The following GRAMD1B variants were observed in gnomAD, a reference collection of about 807,000 sequenced individuals.
GRAMD1B encodes GRAM domain containing 1B.
In GRAMD1B, 37 loss-of-function variants were observed where a neutral mutation model predicts 99.7. The ratio of observed to expected loss-of-function variants is 0.37; its 90% CI spans 0.29 to 0.49. The LOEUF (loss-of-function observed/expected upper bound fraction) is 0.49, where lower values mean the gene tolerates loss of function less well. Ranked by LOEUF, GRAMD1B falls within the 20% of genes least tolerant of loss-of-function variation. GRAMD1B has a pLI of 0.98. For synonymous variants in GRAMD1B, 427 were observed against 387.6 expected (o/e 1.10, Z -1.19); for missense variants, 888 against 1,009.2 (o/e 0.88, Z 1.63).
intron 1 of GRAMD1B, among the ~76,000 whole-genome samples, chr11:123,365,408 T>A (rs527261883): frequency 6.6e-6 from 1 of 152,150 alleles, no homozygotes; most frequent in Non-Finnish European, 1.5e-5. Flanking sequence ...CGTGCCACCA[T>A]GCCCAGCTAA....
Position 123,445,329 on chromosome 11 carries a change from T to C in GRAMD1B, c.374+14163T>C, listed in dbSNP as rs75651025. On this transcript the variant is annotated intron_variant, in intron 1 of 19. Transcript: ENST00000635736. ...AGCATTCGTGTTCTGGCTGGATCATTACACTTTGGAGCTCTTTTTGACCTT... is the reference window on the plus strand; with the variant it reads ...AGCATTCGTGTTCTGGCTGGATCATCACACTTTGGAGCTCTTTTTGACCTT... Among the ~76,000 whole-genome samples the C allele has an allele frequency of 5.3e-3, 804 of 152,290 alleles. 8 individuals carry two copies. Among genetic ancestry groups the C allele is most frequent in the African/African-American group, 0.019 (784 of 41,574 alleles).
chr11:123,623,089 C>T lies in GRAMD1B; in HGVS notation c.*494C>T, dbSNP rs1213769230. The T allele has an allele frequency of 6.6e-6, 1 of 152,210 alleles. No individual in the cohort carries two copies. Among genetic ancestry groups the T allele is most frequent in the East Asian group, 1.9e-4 (1 of 5,194 alleles). 9.4% of individuals were successfully genotyped at this position (152,210 alleles called of 1,614,324 possible). ...TTCCCCAGGCATTCTCTTGGGAACA[C>T]AGAAGCATCAAGGGAGCCCAGTCTA... On this transcript the variant is annotated 3_prime_UTR_variant, in exon 20 of 20. Transcript: ENST00000635736.
At chr11:123,526,603 G>A (rs906525398) in intron 2 of GRAMD1B, among the ~76,000 whole-genome samples, 1 of 152,160 alleles carries the variant, frequency 6.6e-6, no homozygotes, top group African/African-American at 2.4e-5. Flanking sequence ...GGGAGGGTGT[G>A]CGGGGGGCCT....
intron 1 of GRAMD1B, among the ~76,000 whole-genome samples, chr11:123,366,069 C>T (rs1946310251): frequency 6.6e-6 from 1 of 152,206 alleles, no homozygotes; most frequent in Non-Finnish European, 1.5e-5. Flanking sequence ...AGTCTTTCTT[C>T]ATCTTGGCTG....
At chr11:123,500,736 G>A (rs145490495) in intron 2 of GRAMD1B, among the ~76,000 whole-genome samples, 3 of 152,050 alleles carry the variant, frequency 2.0e-5, no homozygotes, top group East Asian at 1.9e-4. Context: ...GCAGTGGCGC[G>A]ATCGCGGCTT....
rs1171608927 is a variant in GRAMD1B, at chr11:123,430,832, G to C, written c.40G>C (p.Ala14Pro). Residue 14 changes from alanine (A) to proline (P), a missense_variant, in exon 1 of 20, where the codon GCC (alanine) becomes CCC (proline). Physicochemically the swap from Ala to Pro is conservative, Grantham distance 27. This residue lies in a region of GRAMD1B where 233 missense variants were observed against 154.6 expected (regional missense o/e 1.51). Transcript: ENST00000635736. ...CATGATGGAGAACCGGCCGCTGCCC[G>C]CCCTGCAGGTGCCCGAGCCGCAGGG... ...ANMMENRPLP[A>P]LQVPEPQGAP... 2 of 697,778 alleles carry C rather than the reference G, an allele frequency of 2.9e-6. No individual in the cohort carries two copies. The highest frequency in any genetic ancestry group is 3.5e-5 in the African/African-American group (2 of 56,996). The allele number at this position is 697,778 out of a possible 1,614,324, so 43.2% of individuals were successfully genotyped here. A position where few individuals can be genotyped will look rare whatever the true frequency, so the allele number is the denominator to read the frequency against.
At chr11:123,480,454 A>T (rs1951531867) in intron 1 of GRAMD1B, among the ~76,000 whole-genome samples, 1 of 152,078 alleles carries the variant, frequency 6.6e-6, no homozygotes, top group South Asian at 2.1e-4. Context: ...CGGTGGGCTG[A>T]GGAGAATGGG....
chr11:123,558,409 A>T (rs1291435074), intron 2 of GRAMD1B, among the ~76,000 whole-genome samples: 1 of 152,190 alleles, frequency 6.6e-6, no homozygotes, highest in Non-Finnish European at 1.5e-5. Flanking sequence ...CCTGCAATTA[A>T]GTTCTAAATG....
At chr11:123,425,645 T>C (rs998027570), upstream of GRAMD1B, among the ~76,000 whole-genome samples, 1 of 152,196 alleles carries the variant, frequency 6.6e-6, no homozygotes, top group Non-Finnish European at 1.5e-5. Context: ...TTGAGAGCAC[T>C]GCCCAGGGCT....
chr11:123,372,244 T>G (rs775459354), intron 1 of GRAMD1B, among the ~76,000 whole-genome samples: 1 of 152,236 alleles, frequency 6.6e-6, no homozygotes, highest in South Asian at 2.1e-4. Flanking sequence ...AGTTGTTACT[T>G]GGTTTTATGG....
At chr11:123,609,020 T>C (rs150987543) in intron 12 of GRAMD1B, among the ~76,000 whole-genome samples, 2 of 152,120 alleles carry the variant, frequency 1.3e-5, no homozygotes, top group East Asian at 1.9e-4. Context: ...AGCTTCACCC[T>C]TTCCCACTAC....
chr11:123,534,490 A>G (rs929091290), intron 2 of GRAMD1B, among the ~76,000 whole-genome samples: 3 of 152,208 alleles, frequency 2.0e-5, no homozygotes, highest in East Asian at 1.9e-4. Context: ...AGTAATGGGC[A>G]AAAGAAATTG....
intron 2 of GRAMD1B, among the ~76,000 whole-genome samples, chr11:123,502,575 G>A (rs144949343): frequency 0.028 from 4,276 of 152,212 alleles, 203 homozygotes; most frequent in African/African-American, 0.097. Flanking sequence ...AGGAGTTCAA[G>A]ACCAGCCTGG....
At chr11:123,359,986 T>C (rs1946084592) in intron 1 of GRAMD1B, among the ~76,000 whole-genome samples, 5 of 152,164 alleles carry the variant, frequency 3.3e-5, no homozygotes. Context: ...GGATCTCAGC[T>C]GGGGCTCTCT....
At chr11:123,598,145 A>G in intron 7 of GRAMD1B, 3 of 1,576,632 alleles carry the variant, frequency 1.9e-6, no homozygotes, top group Middle Eastern at 2.3e-4. Flanking sequence ...CAAACACCTC[A>G]TGCCATGCCA....
intron 17 of GRAMD1B, among the ~76,000 whole-genome samples, chr11:123,615,439 C>A (rs954191314): frequency 6.6e-6 from 1 of 152,242 alleles, no homozygotes; most frequent in Non-Finnish European, 1.5e-5. Flanking sequence ...GTAATCCCAG[C>A]ACTTTGGGAG....
intron 1 of GRAMD1B, among the ~76,000 whole-genome samples, chr11:123,461,949 A>T (rs1229690202): frequency 7.7e-6 from 1 of 129,922 alleles, no homozygotes; most frequent in South Asian, 2.6e-4. Flanking sequence ...TTTTTCTGGT[A>T]TGGTCATTTG....
At chr11:123,518,328 G>A (rs1339750737) in intron 2 of GRAMD1B, among the ~76,000 whole-genome samples, 1 of 152,138 alleles carries the variant, frequency 6.6e-6, no homozygotes, top group Non-Finnish European at 1.5e-5. Flanking sequence ...GATAGAGCGG[G>A]GAATCCTCTA....
rs1388112518 is a variant in GRAMD1B at position 123,483,380 on chromosome 11, CTTTTCT to C, written c.452+2498_452+2503del. On this transcript the variant is annotated intron_variant, in intron 2 of 19. Transcript: ENST00000635736. ...ACTGTTTATTTCCATTTAATATTTT[CTTTTCT>C]TTTTCTTTTTTTTTTTTTTTTTGAG... 2.7e-5 allele frequency among the ~76,000 whole-genome samples: 4 copies of C among 148,270 alleles called. No homozygotes were observed. The South Asian group carries it at 6.4e-4, about 24-fold the overall frequency.
Sources: gnomAD v4.1 joint callset for allele counts (sites outside exome capture counted in the v4.1 genomes callset) on GRCh38, gnomAD v4.1.1 for gene constraint, gnomAD v4.1.1 regional missense constraint, MANE v1.5 for transcripts, NCBI Gene and HGNC (gene_info 2026-07-23, HGNC 2026-07-21) for gene names.